Variants in ENTR1 observed in about 807,000 individuals in gnomAD.
The protein encoded by ENTR1 is endosome associated trafficking regulator 1, also known as endosome-associated-trafficking regulator 1.
Under a neutral mutation model 47.9 loss-of-function variants are expected in ENTR1, and 47 were observed. The observed-to-expected ratio is 0.98, with a 90% CI of 0.78 to 1.25. The LOEUF (loss-of-function observed/expected upper bound fraction) is 1.25. Ranked by LOEUF, ENTR1 falls within the 50% of genes most tolerant of loss-of-function variation. The probability of loss-of-function intolerance (pLI) is 0.00; values close to 1 mark genes in which losing one functional copy is unlikely to be tolerated. For synonymous variants in ENTR1, 290 were observed against 245.8 expected (o/e 1.18, Z -1.68); for missense variants, 668 against 570.5 (o/e 1.17, Z -1.74).
rs749931040 is a variant in ENTR1 at position 136,407,391 on chromosome 9, G to A, written c.573C>T (p.Ser191=). Reference sequence around the variant, plus strand: ...TCTCGGGGTGAGTCTGCTCGATGGCGGACGGCAGGTAGGCCCCACTCCATC... The same window carrying A: ...TCTCGGGGTGAGTCTGCTCGATGGCAGACGGCAGGTAGGCCCCACTCCATC... The part of the protein sequence containing the change: ...DTGWSGAYLP[S]AIEQTHPERV... Residue 191 remains serine (S), a synonymous_variant, in exon 5 of 10, where the codon TCC becomes TCT. Transcript: ENST00000357365. 5.6e-6 allele frequency: 9 copies of A among 1,606,700 alleles called. No individual in the cohort carries two copies. Among genetic ancestry groups the A allele is most frequent in the African/African-American group, 4.0e-5 (3 of 74,762 alleles).
chr9:136,406,234 C>A (rs1022299569), intron 5 of ENTR1, among the ~76,000 whole-genome samples: 14 of 152,162 alleles, frequency 9.2e-5, no homozygotes, highest in Middle Eastern at 3.4e-3. Flanking sequence ...CTTTGGGAGG[C>A]CGAGGTGGGC....
chr9:136,408,023 A>T, intron 3 of ENTR1, 85 bp from the exon 4 acceptor site: 1 of 855,830 alleles, frequency 1.2e-6, no homozygotes, highest in Non-Finnish European at 1.9e-6. Context: ...TTTCCAGAGC[A>T]TGGCCACATG....
rs1277872717 is a variant in ENTR1, at chr9:136,407,448, G to A, written c.516C>T (p.Asp172=). Residue 172 remains aspartate, a synonymous_variant, in exon 5 of 10, where the codon GAC becomes GAT. Transcript: ENST00000357365. ...PFFEDPTGAG[D]LLDEEEDEDT... is the part of the protein sequence containing the mutation. ...CCTCATCCTCCTCCTCATCCAGGAG[G>A]TCACCAGCCCCTGTCGGATCCTCGA... The A allele has an allele frequency of 1.9e-6, 3 of 1,610,934 alleles. No homozygotes were observed. Among genetic ancestry groups the A allele is most frequent in the Admixed American group, 3.3e-5 (2 of 59,960 alleles).
chr9:136,404,121 T>C lies in ENTR1; in HGVS notation c.1142A>G (p.Lys381Arg). 2.5e-6 allele frequency: 4 copies of C among 1,613,452 alleles called. No homozygotes were observed. The highest frequency in any genetic ancestry group is 2.5e-6 in the Non-Finnish European group (3 of 1,179,842). Reference sequence around the variant, plus strand: ...CTGCAGGGCCACGTCGGCGTTCTGCTTCACCACGGTCAGGCTGGCACCCTG... The same window carrying C: ...CTGCAGGGCCACGTCGGCGTTCTGCCTCACCACGGTCAGGCTGGCACCCTG... ...CGQGASLTVV[K>R]QNADVALQNL... Residue 381 changes from lysine to arginine, a missense_variant, in exon 9 of 10, where the codon AAG (lysine) becomes AGG (arginine). Lys to Arg is a conservative substitution (Grantham distance 26). Transcript: ENST00000357365.
intron 7 of ENTR1, 35 bp downstream of exon 7, chr9:136,405,056 A>G: frequency 6.4e-7 from 1 of 1,551,962 alleles, no homozygotes; most frequent in Non-Finnish European, 8.9e-7. Flanking sequence ...CTCCTGCCCC[A>G]CCCAGCTCGT....
rs749004263 is a variant in ENTR1, at chr9:136,407,249, C to T, written c.715G>A (p.Val239Met). Residue 239 changes from valine to methionine, a missense_variant, in exon 5 of 10, where the codon GTG (valine) becomes ATG (methionine). Physicochemically the swap from Val to Met is conservative, Grantham distance 21. Coordinates refer to ENST00000357365, the MANE Select transcript of ENTR1 (RefSeq NM_001039707.2). Reference protein sequence around the residue: ...SWALSDTDSRVSPASPAGSPS... With the variant: ...SWALSDTDSRMSPASPAGSPS... ...CTCCCTGCCGGAGAGGCCGGAGACA[C>T]GCGAGAATCAGTGTCACTCAACGCC... 59 of 1,613,012 alleles carry T rather than the reference C, an allele frequency of 3.7e-5. No individual in the cohort carries two copies. The highest frequency in any genetic ancestry group is 2.7e-4 in the East Asian group (12 of 44,892).
At position 136,409,074 on chromosome 9, in the gene ENTR1, A is replaced by C; in HGVS notation, c.221-7T>G. On this transcript the variant is annotated splice_region_variant and splice_polypyrimidine_tract_variant and intron_variant, in intron 2 of 9. Coordinates refer to ENST00000357365, the MANE Select transcript of ENTR1 (RefSeq NM_001039707.2). ...CCCTTTCCATAGCCAAAATCTGCAA[A>C]GAAACAATGTCACCCACCATGCTGG... 6.2e-7 allele frequency: 1 copy of C among 1,613,764 alleles called. No homozygotes were observed. The highest frequency in any genetic ancestry group is 8.5e-7 in the Non-Finnish European group (1 of 1,179,826).
intron 2 of ENTR1, among the ~76,000 whole-genome samples, chr9:136,409,607 G>T (rs962774614): frequency 2.0e-5 from 3 of 152,108 alleles, no homozygotes; most frequent in African/African-American, 4.8e-5. Context: ...AAGCCCAGCC[G>T]GGGCAAGCGC....
At chr9:136,404,215 A>C in intron 8 of ENTR1, 21 bp from the exon 9 acceptor site, 1 of 1,596,250 alleles carries the variant, frequency 6.3e-7, no homozygotes, top group Non-Finnish European at 8.6e-7. Flanking sequence ...GGTTACGGCT[A>C]AGGACAGAGC....
rs1588790570 is a variant in ENTR1 at position 136,407,182 on chromosome 9, T to G, written c.782A>C (p.Asp261Ala). ...DFAVHGESLG[D>A]RHLRTLQISY... ...TATCTGCAGCGTCCGCAGGTGCCTG[T>G]CTCCCAGAGACTCTCCATGAACCGC... The change falls in exon 5 of 10, where the codon GAC (aspartate) becomes GCC (alanine). Residue 261 changes from aspartate to alanine, a missense_variant. Transcript: ENST00000357365. 1 of 1,607,884 alleles carries G rather than the reference T, an allele frequency of 6.2e-7. No individual in the cohort carries two copies. Among genetic ancestry groups the G allele is most frequent in the Admixed American group, 1.7e-5 (1 of 59,742 alleles).
intron 5 of ENTR1, among the ~76,000 whole-genome samples, chr9:136,406,781 A>C (rs1245848413): frequency 6.6e-6 from 1 of 152,116 alleles, no homozygotes; most frequent in African/African-American, 2.4e-5. Flanking sequence ...CCAGCTAAAA[A>C]ATTTTTTTTT....
At chr9:136,409,183 CTTT>C (rs35168798) in intron 2 of ENTR1, 116 bp from the exon 3 acceptor site, 647 of 560,654 alleles carry the variant, frequency 1.2e-3, no homozygotes, top group Middle Eastern at 3.2e-3. Context: ...GTCTAGAGAA[CTTT>C]TTTTTTTTTT....
chr9:136,404,228 C>CT (rs1564405671), intron 8 of ENTR1, 34 bp from the exon 9 acceptor site: 1 of 1,563,978 alleles, frequency 6.4e-7, no homozygotes, highest in African/African-American at 1.4e-5. Flanking sequence ...GACAGAGCAG[C>CT]TCCGAGGCAA....
chr9:136,405,927 A>C lies in ENTR1; in HGVS notation c.871T>G (p.Phe291Val). 1 of 1,602,224 alleles carries C rather than the reference A, an allele frequency of 6.2e-7. No homozygotes were observed. Among genetic ancestry groups the C allele is most frequent in the Non-Finnish European group, 8.5e-7 (1 of 1,174,156 alleles). The change falls in exon 6 of 10, where the codon TTC becomes GTC. Residue 291 changes from phenylalanine to valine, a missense_variant. Coordinates refer to ENST00000357365, the MANE Select transcript of ENTR1 (RefSeq NM_001039707.2). The stretch of plus-strand genomic sequence containing the variant: ...TACATTTCTGTTTGAGCTTCAGAGA[A>C]GCTCTGAACCTCATTCAGCTTTCTT... ...LRRKLNEVQS[F>V]SEAQTEMVRT...
chr9:136,407,729 G>T, intron 4 of ENTR1, 97 bp downstream of exon 4: 1 of 1,360,924 alleles, frequency 7.3e-7, no homozygotes, highest in Non-Finnish European at 1.0e-6. Flanking sequence ...ACGCCTGCCT[G>T]CTCTGCCACA....
chr9:136,409,750 C>A (rs537437260), intron 2 of ENTR1: 6 of 408,708 alleles, frequency 1.5e-5, no homozygotes, highest in African/African-American at 1.2e-4. Context: ...CTGGCCACTG[C>A]CCGGCTGTGG....
intron 5 of ENTR1, among the ~76,000 whole-genome samples, chr9:136,406,770 C>T (rs997134920): frequency 6.6e-6 from 1 of 152,138 alleles, no homozygotes; most frequent in African/African-American, 2.4e-5. Context: ...AGCCACGGCG[C>T]CCAGCTAAAA....
At chr9:136,409,957 A>C in intron 2 of ENTR1, 133 bp downstream of exon 2, 1 of 1,132,198 alleles carries the variant, frequency 8.8e-7, no homozygotes. Flanking sequence ...CCGCCTTTGA[A>C]TTCCGAGTGC....
chr9:136,407,385 G>A lies in ENTR1; in HGVS notation c.579C>T (p.Ile193=), dbSNP rs190045335. ...GGACCCTCTCGGGGTGAGTCTGCTC[G>A]ATGGCGGACGGCAGGTAGGCCCCAC... The part of the protein sequence containing the change: ...GWSGAYLPSA[I]EQTHPERVPA... The change falls in exon 5 of 10, where the codon ATC becomes ATT. Residue 193 remains isoleucine, a synonymous_variant. Transcript: ENST00000357365. 21 of 1,606,862 alleles carry A rather than the reference G, an allele frequency of 1.3e-5. No individual in the cohort carries two copies. The highest frequency in any genetic ancestry group is 3.3e-5 in the South Asian group (3 of 90,128).
Sources: allele counts gnomAD v4.1 joint callset (sites outside exome capture counted in the v4.1 genomes callset), GRCh38; gene constraint gnomAD v4.1.1; transcripts MANE v1.5; gene names NCBI Gene and HGNC (gene_info 2026-07-23, HGNC 2026-07-21).